The following KIRREL1 variants were observed in gnomAD, a reference collection of about 807,000 sequenced individuals.
KIRREL1 encodes the protein kin of IRRE-like protein 1.
In KIRREL1, 25 loss-of-function variants were observed where a neutral mutation model predicts 83.3. That is an observed-to-expected ratio of 0.30 (90% CI 0.22 to 0.42). The LOEUF (loss-of-function observed/expected upper bound fraction) is 0.42, where lower values mean the gene tolerates loss of function less well. Ranked by LOEUF, KIRREL1 falls within the 10% of genes least tolerant of loss-of-function variation. The probability of loss-of-function intolerance (pLI) is 1.00; values close to 1 mark genes in which losing one functional copy is unlikely to be tolerated. For synonymous variants in KIRREL1, 388 were observed against 410.4 expected (o/e 0.95, Z 0.66); for missense variants, 812 against 1,032.3 (o/e 0.79, Z 2.92).
chr1:158,026,687 TC>T (rs77704230), intron 1 of KIRREL1, among the ~76,000 whole-genome samples: 9,054 of 152,190 alleles, frequency 0.059, 350 homozygotes, highest in South Asian at 0.2. Flanking sequence ...TATTTTATCA[TC>T]CCCATTTTAC....
intron 1 of KIRREL1, among the ~76,000 whole-genome samples, chr1:158,060,374 C>T (rs1372839191): frequency 6.6e-6 from 1 of 152,186 alleles, no homozygotes; most frequent in African/African-American, 2.4e-5. Flanking sequence ...TACTATTGCC[C>T]TGCACAGCTT....
rs16839551 is a variant in KIRREL1 at position 158,010,238 on chromosome 1, G to A, written c.52+16510G>A. 5.5e-4 allele frequency among the ~76,000 whole-genome samples: 84 copies of A among 151,896 alleles called. 1 individual carries two copies. In the East Asian group the frequency reaches 0.016, roughly 29 times the overall value. ...CAGGGGTATCCCAGGAGCAGCGTTT[G>A]CTCAGGAACCAGGGTGGAAGCAAAC... is the stretch of plus-strand genomic sequence containing the variant. On this transcript the variant is annotated intron_variant, in intron 1 of 14. Coordinates refer to ENST00000359209, the MANE Select transcript of KIRREL1 (RefSeq NM_018240.7).
intron 1 of KIRREL1, among the ~76,000 whole-genome samples, chr1:158,013,153 C>CT (rs1659732835): frequency 6.6e-6 from 1 of 152,196 alleles, no homozygotes; most frequent in South Asian, 2.1e-4. Context: ...CCATTTCTCC[C>CT]TTTATCCCAT....
chr1:158,076,066 G>A (rs1386576265), intron 1 of KIRREL1, 47 bp from the exon 2 acceptor site: 2 of 1,567,756 alleles, frequency 1.3e-6, no homozygotes, highest in Admixed American at 3.6e-5. Flanking sequence ...TCTTAGAGGA[G>A]CCCCTCTCCT....
Position 158,027,279 on chromosome 1 carries a change from G to T in KIRREL1, c.52+33551G>T, listed in dbSNP as rs80085467. On this transcript the variant is annotated intron_variant, in intron 1 of 14. Coordinates refer to ENST00000359209, the MANE Select transcript of KIRREL1 (RefSeq NM_018240.7). ...TAGATAAAGAGAGGCACAGAGCAAG[G>T]CACGTGGGAAGGAATGTGGAGCTTC... is the stretch of plus-strand genomic sequence containing the variant. Among the ~76,000 whole-genome samples the T allele has an allele frequency of 5.9e-5, 9 of 152,346 alleles. No individual in the cohort carries two copies. The East Asian group carries it at 1.7e-3, about 29-fold the overall frequency.
At chr1:158,076,043 G>T in intron 1 of KIRREL1, 70 bp from the exon 2 acceptor site, 2 of 1,430,190 alleles carry the variant, frequency 1.4e-6, no homozygotes, top group Non-Finnish European at 9.5e-7. Context: ...CCAGCTGCAT[G>T]GTGAGGGGGA....
intron 1 of KIRREL1, among the ~76,000 whole-genome samples, chr1:158,017,189 T>A (rs6661931): frequency 6.6e-6 from 1 of 152,062 alleles, no homozygotes; most frequent in Admixed American, 6.5e-5. Context: ...GGCATCTCCC[T>A]GGGCAAGTTC....
At chr1:158,060,750 A>C (rs1268449636) in intron 1 of KIRREL1, among the ~76,000 whole-genome samples, 1 of 152,166 alleles carries the variant, frequency 6.6e-6, no homozygotes, top group Non-Finnish European at 1.5e-5. Context: ...ATTTCCATGC[A>C]ATACAAGGTA....
intron 1 of KIRREL1, among the ~76,000 whole-genome samples, chr1:158,049,327 G>A (rs1660854398): frequency 6.6e-6 from 1 of 152,226 alleles, no homozygotes; most frequent in Non-Finnish European, 1.5e-5. Flanking sequence ...CTCAGACTGA[G>A]GGTTTAAGGG....
chr1:158,024,268 GTATTTTTTT>G (rs1660096530), intron 1 of KIRREL1, among the ~76,000 whole-genome samples: 1 of 80,436 alleles, frequency 1.2e-5, no homozygotes. Context: ...TGTTGTTGTT[GTATTTTTTT>G]TTTTTTTTTT....
chr1:158,045,692 C>G (rs1406366598), intron 1 of KIRREL1, among the ~76,000 whole-genome samples: 1 of 152,144 alleles, frequency 6.6e-6, no homozygotes, highest in Non-Finnish European at 1.5e-5. Flanking sequence ...GTTTTATTAT[C>G]AAATCATTTT....
rs189975792 is a variant in KIRREL1 at position 158,042,889 on chromosome 1, C to T, written c.53-33224C>T. On this transcript the variant is annotated intron_variant, in intron 1 of 14. Transcript: ENST00000359209. ...GAGATCGAGACCATCCTGGCTAACA[C>T]GGTGAAACCCCGTCTCTACTAAAAA... Among the ~76,000 whole-genome samples the T allele has an allele frequency of 6.1e-3, 848 of 139,132 alleles. 16 individuals carry two copies. Among genetic ancestry groups the T allele is most frequent in the South Asian group, 0.048 (211 of 4,404 alleles). The allele number at this position is 139,132 out of a possible 152,430, so 91.3% of individuals were successfully genotyped here. A position where few individuals can be genotyped will look rare whatever the true frequency, so the allele number is the denominator to read the frequency against.
intron 1 of KIRREL1, among the ~76,000 whole-genome samples, chr1:158,052,655 G>C (rs1304880404): frequency 6.6e-6 from 1 of 151,726 alleles, no homozygotes. Flanking sequence ...GCGTGGTGGC[G>C]GGTGCCTGTA....
intron 1 of KIRREL1, among the ~76,000 whole-genome samples, chr1:158,022,175 ATAAACC>A (rs2101654410): frequency 6.6e-6 from 1 of 152,288 alleles, no homozygotes; most frequent in South Asian, 2.1e-4. Context: ...TTCTGGGCAC[ATAAACC>A]TGGGGAAGGC....
At chr1:158,027,556 C>T (rs1209340983) in intron 1 of KIRREL1, among the ~76,000 whole-genome samples, 1 of 152,194 alleles carries the variant, frequency 6.6e-6, no homozygotes, top group Non-Finnish European at 1.5e-5. Flanking sequence ...CATACTGAAG[C>T]CACCAAGGGG....
chr1:158,023,025 G>C (rs1464902328), intron 1 of KIRREL1, among the ~76,000 whole-genome samples: 3 of 152,150 alleles, frequency 2.0e-5, no homozygotes, highest in Non-Finnish European at 2.9e-5. Flanking sequence ...TGTGGCCCCT[G>C]TTTTCTCCTC....
At chr1:158,015,764 T>A (rs1659809066) in intron 1 of KIRREL1, among the ~76,000 whole-genome samples, 1 of 152,220 alleles carries the variant, frequency 6.6e-6, no homozygotes, top group Admixed American at 6.5e-5. Context: ...TCATCTCTGA[T>A]GAGGCACTTA....
intron 3 of KIRREL1, among the ~76,000 whole-genome samples, chr1:158,080,605 C>G (rs571692096): frequency 6.6e-6 from 1 of 152,248 alleles, no homozygotes; most frequent in East Asian, 1.9e-4. Context: ...GAAAGAGAGA[C>G]AGGGACGGTT....
rs564814338 is a variant in KIRREL1 at position 158,007,204 on chromosome 1, A to G, written c.52+13476A>G. ...CTTCCCCAGTGTATAAACACCTATA[A>G]AGATCATTTAAATAAGGGAAGATTT... On this transcript the variant is annotated intron_variant, in intron 1 of 14. Coordinates refer to ENST00000359209, the MANE Select transcript of KIRREL1 (RefSeq NM_018240.7). 5.3e-5 allele frequency among the ~76,000 whole-genome samples: 8 copies of G among 152,298 alleles called. No homozygotes were observed. In the East Asian group the frequency reaches 1.4e-3, roughly 26 times the overall value.
Sources: allele counts gnomAD v4.1 joint callset (sites outside exome capture counted in the v4.1 genomes callset), GRCh38; gene constraint gnomAD v4.1.1; transcripts MANE v1.5; gene names NCBI Gene and HGNC (gene_info 2026-07-23, HGNC 2026-07-21).